NTF3: variants seen among roughly 807,000 people sequenced by gnomAD.
NTF3 encodes neurotrophin 3, also known as neurotrophin-3.
A neutral mutation model predicts 26.3 loss-of-function variants in NTF3; 8 were observed. That is an observed-to-expected ratio of 0.30 (90% CI 0.18 to 0.55). The LOEUF (loss-of-function observed/expected upper bound fraction) is 0.55, where lower values mean the gene tolerates loss of function less well. Ranked by LOEUF, NTF3 falls within the 20% of genes least tolerant of loss-of-function variation. The pLI is 0.93. For synonymous variants in NTF3, 154 were observed against 145.5 expected (o/e 1.06, Z -0.42); for missense variants, 276 against 352.9 (o/e 0.78, Z 1.75).
At chr12:5,480,315 C>T (rs1335435370) in intron 1 of NTF3, among the ~76,000 whole-genome samples, 3 of 152,184 alleles carry the variant, frequency 2.0e-5, no homozygotes, top group Non-Finnish European at 4.4e-5. Flanking sequence ...AACAATCCCA[C>T]CGGCCTTTAT....
chr12:5,437,826 T>C (rs930019668), intron 1 of NTF3, among the ~76,000 whole-genome samples: 1 of 152,204 alleles, frequency 6.6e-6, no homozygotes, highest in Non-Finnish European at 1.5e-5. Context: ...GGTCTGTGGA[T>C]GTACTTTGTG....
intron 1 of NTF3, among the ~76,000 whole-genome samples, chr12:5,471,191 G>A (rs1940662154): frequency 6.6e-6 from 1 of 152,100 alleles, no homozygotes; most frequent in African/African-American, 2.4e-5. Flanking sequence ...TATTTCAAGG[G>A]CTATTAATGT....
At chr12:5,487,783 C>T (rs1940885204) in intron 1 of NTF3, among the ~76,000 whole-genome samples, 1 of 152,202 alleles carries the variant, frequency 6.6e-6, no homozygotes, top group South Asian at 2.1e-4. Context: ...CCTGGTTTGA[C>T]ACTACATAGA....
chr12:5,474,180 C>A (rs1171056213), intron 1 of NTF3, among the ~76,000 whole-genome samples: 1 of 152,158 alleles, frequency 6.6e-6, no homozygotes, highest in Non-Finnish European at 1.5e-5. Context: ...GACTTTATTT[C>A]TAGGAATCTT....
intron 1 of NTF3, among the ~76,000 whole-genome samples, chr12:5,488,265 T>C (rs1265385839): frequency 6.6e-6 from 1 of 152,250 alleles, no homozygotes; most frequent in Non-Finnish European, 1.5e-5. Flanking sequence ...CTAATCATGC[T>C]ATTTCCAGGT....
chr12:5,459,977 CT>C (rs1940506356), intron 1 of NTF3, among the ~76,000 whole-genome samples: 1 of 152,202 alleles, frequency 6.6e-6, no homozygotes, highest in South Asian at 2.1e-4. Flanking sequence ...CACCCTCCCA[CT>C]GGGGCTTCAC....
At chr12:5,435,455 G>C (rs1591589349) in intron 1 of NTF3, among the ~76,000 whole-genome samples, 1 of 152,200 alleles carries the variant, frequency 6.6e-6, no homozygotes. Context: ...TATGGATCTT[G>C]GGGGCCAAAG....
rs890758343 is a variant in NTF3, at chr12:5,491,718, T to C, written c.19-2476T>C. Among the ~76,000 whole-genome samples the C allele has an allele frequency of 1.1e-3, 59 of 53,888 alleles. 1 individual carries two copies. The Middle Eastern group carries it at 0.069, about 63-fold the overall frequency. 35.4% of individuals were successfully genotyped at this position (53,888 alleles called of 152,430 possible). Reference sequence around the variant, plus strand: ...CTTTCCTGTGGGTCTCTCCTCTTCTTTTTTTTTTTTTTTTTTTTTGAATTG... The same window carrying C: ...CTTTCCTGTGGGTCTCTCCTCTTCTCTTTTTTTTTTTTTTTTTTTGAATTG... On this transcript the variant is annotated intron_variant, in intron 1 of 1. Transcript: ENST00000423158.
chr12:5,457,577 A>G (rs1272768080), intron 1 of NTF3, among the ~76,000 whole-genome samples: 1 of 152,042 alleles, frequency 6.6e-6, no homozygotes, highest in Non-Finnish European at 1.5e-5. Context: ...TACACTCTCC[A>G]TAGCCTATTC....
At chr12:5,450,817 T>C (rs1244396672) in intron 1 of NTF3, among the ~76,000 whole-genome samples, 1 of 152,262 alleles carries the variant, frequency 6.6e-6, no homozygotes, top group Admixed American at 6.5e-5. Flanking sequence ...CTGATTTTTC[T>C]ATTATAATGT....
Position 5,494,073 on chromosome 12 carries a change from C to T in NTF3, c.19-121C>T, listed in dbSNP as rs1027754567. The T allele has an allele frequency of 2.3e-6, 2 of 864,874 alleles. No individual in the cohort carries two copies. Among genetic ancestry groups the T allele is most frequent in the African/African-American group, 3.4e-5 (2 of 58,950 alleles). The allele number at this position is 864,874 out of a possible 1,614,324, so 53.6% of individuals were successfully genotyped here. A position where few individuals can be genotyped will look rare whatever the true frequency, so the allele number is the denominator to read the frequency against. The stretch of plus-strand genomic sequence containing the variant: ...GTCCAGAGGGGAGTTGCCTTGCTTA[C>T]CTGGGGGGCGGTACCCTCTCTCGTG... On this transcript the variant is annotated intron_variant, in intron 1 of 1. Transcript: ENST00000423158. This position sits in a 1 kb window ranked among gnomAD's most constrained non-coding sequence, Gnocchi z 8.3.
intron 1 of NTF3, among the ~76,000 whole-genome samples, chr12:5,434,487 G>A (rs1429359748): frequency 1.3e-5 from 2 of 151,594 alleles, no homozygotes; most frequent in Non-Finnish European, 2.9e-5. Context: ...GTGTGTGTGT[G>A]TGTGTGTGTG....
chr12:5,456,864 G>A lies in NTF3; in HGVS notation c.18+24522G>A, dbSNP rs530753657. On this transcript the variant is annotated intron_variant, in intron 1 of 1. Coordinates refer to ENST00000423158, the MANE Select transcript of NTF3 (RefSeq NM_001102654.2). The surrounding 1 kb of genome is among the most constrained non-coding windows in gnomAD (Gnocchi z 4.4). ...CCGAGTTGACCCAGAGTCCCTAAAT[G>A]ACTGCTGTGTAGCTACCATGAGTGT... Among the ~76,000 whole-genome samples, 2 of 152,332 alleles carry A rather than the reference G, an allele frequency of 1.3e-5. No homozygotes were observed. The highest frequency in any genetic ancestry group is 4.1e-4 in the South Asian group (2 of 4,824).
intron 1 of NTF3, among the ~76,000 whole-genome samples, chr12:5,482,481 G>A (rs940650119): frequency 5.3e-5 from 8 of 152,242 alleles, no homozygotes; most frequent in African/African-American, 1.7e-4. Flanking sequence ...GGTTAGTGCA[G>A]GGAGGTCACT....
intron 1 of NTF3, among the ~76,000 whole-genome samples, chr12:5,468,800 T>C (rs980188786): frequency 1.3e-5 from 2 of 152,116 alleles, no homozygotes; most frequent in African/African-American, 2.4e-5. Flanking sequence ...CACTCATCAC[T>C]CAGAGGGGAG....
chr12:5,493,057 T>C (rs1054891003), intron 1 of NTF3, among the ~76,000 whole-genome samples: 13 of 152,140 alleles, frequency 8.5e-5, no homozygotes, highest in African/African-American at 3.1e-4. Flanking sequence ...AAGGAGTGAA[T>C]ATCTCAAGGA....
intron 1 of NTF3, among the ~76,000 whole-genome samples, chr12:5,442,401 G>A (rs762561022): frequency 6.6e-6 from 1 of 152,108 alleles, no homozygotes; most frequent in East Asian, 1.9e-4. Context: ...GGGGGAACAC[G>A]CATGTTGTAC....
At chr12:5,482,176 G>A (rs938455592) in intron 1 of NTF3, among the ~76,000 whole-genome samples, 6 of 151,900 alleles carry the variant, frequency 3.9e-5, no homozygotes, top group South Asian at 2.1e-4. Context: ...ACACGAGCGC[G>A]CACACACACA....
At chr12:5,436,344 T>C (rs1940168095) in intron 1 of NTF3, among the ~76,000 whole-genome samples, 1 of 152,204 alleles carries the variant, frequency 6.6e-6, no homozygotes, top group South Asian at 2.1e-4. Context: ...ATAGTTTATA[T>C]AGGGCTTGAC....
Sources: allele counts gnomAD v4.1 joint callset (sites outside exome capture counted in the v4.1 genomes callset), GRCh38; gene constraint gnomAD v4.1.1; non-coding constraint Gnocchi (gnomAD v3.1); transcripts MANE v1.5; gene names NCBI Gene and HGNC (gene_info 2026-07-23, HGNC 2026-07-21).